Variants in HEMK2 observed in about 807,000 individuals in gnomAD.
The protein encoded by HEMK2 is methyltransferase HEMK2.
At chr21:28,726,454 A>G in the HEMK2 span, among the ~76,000 whole-genome samples, 1 of 152,334 alleles carries the variant, frequency 6.6e-6, no homozygotes, top group South Asian at 2.1e-4. Context: ...GTTAATATCA[A>G]TGTTGTTCTT....
chr21:28,595,958 G>T, the HEMK2 span, among the ~76,000 whole-genome samples: 103 of 151,506 alleles, frequency 6.8e-4, no homozygotes, highest in Non-Finnish European at 1.2e-3. Flanking sequence ...CTAATTTTTT[G>T]TATTTTTAGT....
chr21:28,837,818 G>C, the HEMK2 span, among the ~76,000 whole-genome samples: 2 of 151,994 alleles, frequency 1.3e-5, no homozygotes, highest in Non-Finnish European at 2.9e-5. Flanking sequence ...AAAGAAGAAA[G>C]AAAATCCAAA....
chr21:28,689,866 G>C, the HEMK2 span, among the ~76,000 whole-genome samples: 2 of 152,184 alleles, frequency 1.3e-5, no homozygotes, highest in Non-Finnish European at 2.9e-5. Context: ...TACTGCTGCT[G>C]TTTGAAGATG....
At chr21:28,642,191 G>GT in the HEMK2 span, among the ~76,000 whole-genome samples, 12 of 152,316 alleles carry the variant, frequency 7.9e-5, no homozygotes, top group African/African-American at 2.6e-4. Context: ...CACATTAAGA[G>GT]TTTATTTCTT....
At chr21:28,600,329 C>G in the HEMK2 span, among the ~76,000 whole-genome samples, 49 of 152,370 alleles carry the variant, frequency 3.2e-4, no homozygotes, top group East Asian at 1.2e-3. Context: ...TGTGCACCTG[C>G]AGGCTCAACA....
chr21:28,818,182 G>A, the HEMK2 span, among the ~76,000 whole-genome samples: 3 of 152,310 alleles, frequency 2.0e-5, no homozygotes, highest in East Asian at 1.9e-4. Context: ...GCAGAAGAAC[G>A]TGAAAGGACT....
chr21:28,864,848 T>TAGAC, the HEMK2 span, among the ~76,000 whole-genome samples: 6 of 121,864 alleles, frequency 4.9e-5, no homozygotes, highest in East Asian at 1.3e-3. Flanking sequence ...GATAGATAGA[T>TAGAC]AGATAGATAG....
At chr21:28,623,373 T>C in the HEMK2 span, among the ~76,000 whole-genome samples, 9 of 152,226 alleles carry the variant, frequency 5.9e-5, no homozygotes, top group Admixed American at 2.0e-4. Flanking sequence ...GGAATGCTTT[T>C]ACACTGTTGG....
chr21:28,693,611 C>A, the HEMK2 span, among the ~76,000 whole-genome samples: 11 of 152,274 alleles, frequency 7.2e-5, 1 homozygote, highest in East Asian at 2.1e-3. Flanking sequence ...CCGCAGCCTG[C>A]CAAAATGAAG....
chr21:28,882,908 C>A, the HEMK2 span: 5 of 990,672 alleles, frequency 5.0e-6, no homozygotes, highest in Non-Finnish European at 7.4e-6. Flanking sequence ...TACATACTGT[C>A]TCTTTAAAAA....
chr21:28,576,708 T>A, the HEMK2 span, among the ~76,000 whole-genome samples: 2 of 151,908 alleles, frequency 1.3e-5, no homozygotes, highest in African/African-American at 4.8e-5. Flanking sequence ...CCTTTCTGGG[T>A]TTGTTTTGTT....
the HEMK2 span, among the ~76,000 whole-genome samples, chr21:28,653,052 G>GT: frequency 6.6e-6 from 1 of 152,184 alleles, no homozygotes; most frequent in Middle Eastern, 3.4e-3. Flanking sequence ...TTGAAAGTGG[G>GT]TGTGATTATA....
the HEMK2 span, among the ~76,000 whole-genome samples, chr21:28,817,479 T>C: frequency 3.9e-5 from 6 of 152,206 alleles, no homozygotes; most frequent in Non-Finnish European, 7.3e-5. Flanking sequence ...CTCTCCATGA[T>C]AGGTGTAGGG....
the HEMK2 span, among the ~76,000 whole-genome samples, chr21:28,660,760 G>A: frequency 6.6e-5 from 10 of 152,042 alleles, no homozygotes; most frequent in East Asian, 1.9e-3. Context: ...ATCATAAAAT[G>A]AGATGGCTGA....
At chr21:28,726,021 T>A in the HEMK2 span, among the ~76,000 whole-genome samples, 1 of 112,552 alleles carries the variant, frequency 8.9e-6, no homozygotes, top group Non-Finnish European at 1.9e-5. Context: ...TACATGCTTA[T>A]CTTGTTTTAT....
At chr21:28,576,535 T>C in the HEMK2 span, among the ~76,000 whole-genome samples, 1 of 152,184 alleles carries the variant, frequency 6.6e-6, no homozygotes, top group Non-Finnish European at 1.5e-5. Flanking sequence ...ATCCCCATTT[T>C]CTTAATGATG....
At chr21:28,677,547 T>G in the HEMK2 span, among the ~76,000 whole-genome samples, 1 of 152,178 alleles carries the variant, frequency 6.6e-6, no homozygotes, top group Non-Finnish European at 1.5e-5. Context: ...TTGAAGAGAC[T>G]AGTGGTTCTC....
At chr21:28,804,051 G>A in the HEMK2 span, among the ~76,000 whole-genome samples, 2 of 152,136 alleles carry the variant, frequency 1.3e-5, no homozygotes, top group African/African-American at 4.8e-5. Context: ...AATTGTTTTG[G>A]AATGAAGAAA....
the HEMK2 span, among the ~76,000 whole-genome samples, chr21:28,842,551 G>A: frequency 3.9e-5 from 6 of 152,068 alleles, no homozygotes; most frequent in African/African-American, 1.4e-4. Context: ...AGACCCAGAC[G>A]ATACCTGGAA....
Sources: allele counts gnomAD v4.1 joint callset (sites outside exome capture counted in the v4.1 genomes callset), GRCh38; gene constraint gnomAD v4.1.1; transcripts MANE v1.5; gene names NCBI Gene and HGNC (gene_info 2026-07-23, HGNC 2026-07-21).